The following PLPP1 variants were observed in gnomAD, a reference collection of about 807,000 sequenced individuals.
The protein encoded by PLPP1 is lipid phosphate phosphohydrolase 1a.
A neutral mutation model predicts 31.2 loss-of-function variants in PLPP1; 24 were observed. The observed-to-expected ratio is 0.77, with a 90% confidence interval of 0.56 to 1.08. The LOEUF is 1.08. Among genes scored for constraint, PLPP1 ranks in the 50% least tolerant of loss-of-function variants. The pLI is 0.00. For missense variants in PLPP1, 319 were observed against 342.7 expected, an observed-to-expected ratio of 0.93 and a Z score of 0.55; for synonymous variants, 146 against 126.3, an observed-to-expected ratio of 1.16 and a Z score of -1.05.
chr5:55,426,371 T>A (rs1751195203), intron 4 of PLPP1, among the ~76,000 whole-genome samples: 1 of 152,188 alleles, frequency 6.6e-6, no homozygotes, highest in Admixed American at 6.5e-5. Flanking sequence ...ATAATTCTCA[T>A]AGTCAAGACC....
At chr5:55,517,598 T>C (rs1263348845) in intron 1 of PLPP1, among the ~76,000 whole-genome samples, 1 of 152,236 alleles carries the variant, frequency 6.6e-6, no homozygotes, top group Non-Finnish European at 1.5e-5. Context: ...AAATCTAGAA[T>C]ACGGACCTAA....
intron 3 of PLPP1, among the ~76,000 whole-genome samples, chr5:55,466,630 G>C (rs1752301501): frequency 6.6e-6 from 1 of 151,954 alleles, no homozygotes; most frequent in Non-Finnish European, 1.5e-5. Flanking sequence ...TTGAACCCGG[G>C]AGGCAGAGGC....
chr5:55,520,648 T>C (rs912009406), intron 1 of PLPP1, among the ~76,000 whole-genome samples: 4 of 152,198 alleles, frequency 2.6e-5, no homozygotes, highest in African/African-American at 7.2e-5. Flanking sequence ...TAGTAATAGA[T>C]GGAGCTAGAC....
At chr5:55,473,684 G>T (rs540953541) in intron 2 of PLPP1, among the ~76,000 whole-genome samples, 1 of 151,888 alleles carries the variant, frequency 6.6e-6, no homozygotes, top group African/African-American at 2.4e-5. Flanking sequence ...TTGAAAGAGG[G>T]TCTCACTCTG....
chr5:55,468,424 T>A (rs1359616134), intron 2 of PLPP1: 1 of 283,868 alleles, frequency 3.5e-6, no homozygotes, highest in African/African-American at 2.2e-5. Flanking sequence ...GATCTTATTT[T>A]TTTTTTCTTG....
chr5:55,491,402 G>A (rs1370662408), intron 1 of PLPP1, among the ~76,000 whole-genome samples: 2 of 152,194 alleles, frequency 1.3e-5, no homozygotes, highest in East Asian at 1.9e-4. Context: ...ATTGGCCCAT[G>A]GAAAAATAAA....
At chr5:55,521,252 C>G (rs1753659526) in intron 1 of PLPP1, among the ~76,000 whole-genome samples, 1 of 151,906 alleles carries the variant, frequency 6.6e-6, no homozygotes, top group Admixed American at 6.6e-5. Context: ...ACTCGGGAGG[C>G]TGAGGCAGGA....
intron 1 of PLPP1, among the ~76,000 whole-genome samples, chr5:55,521,351 CAA>C (rs35191893): frequency 0.86 from 120,969 of 141,048 alleles, 51,710 homozygotes; most frequent in South Asian, 0.91. Context: ...GACTCTGTCT[CAA>C]AAAAAAAAAA....
At chr5:55,526,298 TA>T (rs1740429752) in intron 1 of PLPP1, among the ~76,000 whole-genome samples, 1 of 152,204 alleles carries the variant, frequency 6.6e-6, no homozygotes, top group Non-Finnish European at 1.5e-5. Context: ...TTACATTTCA[TA>T]AAATCTATAA....
chr5:55,444,725 T>C (rs529126488), intron 3 of PLPP1, among the ~76,000 whole-genome samples: 4 of 94,552 alleles, frequency 4.2e-5, no homozygotes, highest in African/African-American at 1.4e-4. Context: ...CATAAATCAC[T>C]ATGAATGGGA....
intron 2 of PLPP1, among the ~76,000 whole-genome samples, chr5:55,472,471 G>A (rs1193359756): frequency 2.0e-5 from 3 of 151,914 alleles, no homozygotes; most frequent in Admixed American, 2.0e-4. Flanking sequence ...GTGGTGACAG[G>A]CACCTGTAAT....
In PLPP1 at chr5:55,484,588, A is replaced by T. The variant is rs138577203; in HGVS notation, c.59-9138T>A. ...AGGTACCAAGGCTATAGAGTAAAAA[A>T]TACAGAGACTGGGGTCTATAACAAA... On this transcript the variant is annotated intron_variant, in intron 1 of 5. Coordinates refer to ENST00000307259, the MANE Select transcript of PLPP1 (RefSeq NM_003711.4). The T allele has an allele frequency of 3.4e-3, 519 of 152,320 alleles. 2 individuals are homozygous for T. Among genetic ancestry groups the T allele is most frequent in the African/African-American group, 0.012 (499 of 41,576 alleles). 9.4% of individuals were successfully genotyped at this position (152,320 alleles called of 1,614,324 possible). A position where few individuals can be genotyped will look rare whatever the true frequency, so the allele number is the denominator to read the frequency against.
At chr5:55,515,285 T>C (rs1753531883) in intron 1 of PLPP1, among the ~76,000 whole-genome samples, 1 of 152,216 alleles carries the variant, frequency 6.6e-6, no homozygotes, top group Non-Finnish European at 1.5e-5. Context: ...TTCCTTCATC[T>C]GGCACATCAT....
intron 4 of PLPP1, among the ~76,000 whole-genome samples, chr5:55,437,231 C>T (rs777270830): frequency 1.3e-5 from 2 of 152,168 alleles, no homozygotes; most frequent in Non-Finnish European, 2.9e-5. Context: ...ATTAGAATAT[C>T]TCACCTTTAA....
At chr5:55,465,838 T>C (rs1166064385) in intron 3 of PLPP1, among the ~76,000 whole-genome samples, 1 of 152,126 alleles carries the variant, frequency 6.6e-6, no homozygotes, top group Non-Finnish European at 1.5e-5. Flanking sequence ...ACTGTTAAAG[T>C]CTTCTATCTT....
At chr5:55,458,913 A>AAAAAAAAAAC (rs1561231059) in intron 3 of PLPP1, among the ~76,000 whole-genome samples, 1 of 149,694 alleles carries the variant, frequency 6.7e-6, no homozygotes, top group African/African-American at 2.5e-5. Flanking sequence ...AAAAAAAAAA[A>AAAAAAAAAAC]AAACACATAG....
intron 3 of PLPP1, among the ~76,000 whole-genome samples, chr5:55,443,107 T>TCA (rs1454058008): frequency 6.7e-6 from 1 of 148,430 alleles, no homozygotes; most frequent in East Asian, 2.0e-4. Flanking sequence ...AGAAACCTCC[T>TCA]CACACACATA....
At chr5:55,475,733 G>A (rs1181134608) in intron 1 of PLPP1, among the ~76,000 whole-genome samples, 1 of 152,098 alleles carries the variant, frequency 6.6e-6, no homozygotes, top group Non-Finnish European at 1.5e-5. Context: ...CACACTAAAT[G>A]GATTTTGGAA....
chr5:55,526,774 TA>T (rs2111951011), intron 1 of PLPP1, among the ~76,000 whole-genome samples: 1 of 151,672 alleles, frequency 6.6e-6, no homozygotes, highest in East Asian at 1.9e-4. Context: ...CTACTAAAAA[TA>T]CAAAAAATTA....
Sources: allele counts gnomAD v4.1 joint callset (sites outside exome capture counted in the v4.1 genomes callset), GRCh38; gene constraint gnomAD v4.1.1; transcripts MANE v1.5; gene names NCBI Gene and HGNC (gene_info 2026-07-23, HGNC 2026-07-21).